The following ARHGAP24 variants were observed in gnomAD, a reference collection of about 807,000 sequenced individuals.
ARHGAP24 encodes the protein rho GTPase-activating protein 24.
A neutral mutation model predicts 76.4 loss-of-function variants in ARHGAP24; 50 were observed. The ratio of observed to expected loss-of-function variants is 0.65; its 90% confidence interval spans 0.52 to 0.83. The LOEUF (loss-of-function observed/expected upper bound fraction) is 0.83. Among genes scored for constraint, ARHGAP24 ranks in the 40% least tolerant of loss-of-function variants. The probability of loss-of-function intolerance (pLI) is 0.00; values close to 1 mark genes in which losing one functional copy is unlikely to be tolerated. For missense variants in ARHGAP24, 930 were observed against 914.2 expected (o/e 1.02, Z -0.22); for synonymous variants, 345 against 323.3 (o/e 1.07, Z -0.72).
At chr4:85,736,593 A>T (rs1047287890) in intron 3 of ARHGAP24, among the ~76,000 whole-genome samples, 3 of 152,346 alleles carry the variant, frequency 2.0e-5, no homozygotes, top group Middle Eastern at 3.4e-3. Context: ...ACTATTGTTT[A>T]TCATCCAATA....
intron 2 of ARHGAP24, among the ~76,000 whole-genome samples, chr4:85,674,929 CA>C (rs1315663960): frequency 6.6e-6 from 1 of 152,132 alleles, no homozygotes; most frequent in Non-Finnish European, 1.5e-5. Flanking sequence ...TACGTCTAGC[CA>C]ATTAGAGTTG....
chr4:85,854,418 A>G (rs750356157), intron 3 of ARHGAP24, among the ~76,000 whole-genome samples: 1 of 152,226 alleles, frequency 6.6e-6, no homozygotes, highest in Non-Finnish European at 1.5e-5. Flanking sequence ...AATGATAATG[A>G]GTAACATCCT....
intron 3 of ARHGAP24, among the ~76,000 whole-genome samples, chr4:85,891,185 G>A (rs1733870614): frequency 6.6e-6 from 1 of 152,098 alleles, no homozygotes; most frequent in African/African-American, 2.4e-5. Flanking sequence ...TACTACATTG[G>A]GACGAGAGTA....
chr4:85,489,582 C>G (rs1416937766), intron 1 of ARHGAP24, among the ~76,000 whole-genome samples: 1 of 152,118 alleles, frequency 6.6e-6, no homozygotes, highest in African/African-American at 2.4e-5. Flanking sequence ...CAAGGTGAGC[C>G]CTTTGTGCAG....
intron 3 of ARHGAP24, among the ~76,000 whole-genome samples, chr4:85,745,312 T>A (rs1452337313): frequency 6.8e-6 from 1 of 147,176 alleles, no homozygotes; most frequent in African/African-American, 2.5e-5. Flanking sequence ...TAATATATAG[T>A]AGTATATGTA....
At chr4:85,629,439 A>C (rs1721085479) in intron 2 of ARHGAP24, among the ~76,000 whole-genome samples, 1 of 152,200 alleles carries the variant, frequency 6.6e-6, no homozygotes, top group African/African-American at 2.4e-5. Flanking sequence ...ATAAATTCAT[A>C]GTGAATTTTA....
chr4:85,992,090 G>T lies in ARHGAP24; in HGVS notation c.929-2493G>T, dbSNP rs577048837. On this transcript the variant is annotated intron_variant, in intron 8 of 9. Transcript: ENST00000395184. ...ACAGTGGAACTCCAGAATCTGCTTG[G>T]ACTCTTCAGAATGGGCTGGTGATTA... 7.0e-5 allele frequency: 28 copies of T among 397,262 alleles called. No homozygotes were observed. In the East Asian group the frequency reaches 9.3e-4, roughly 13 times the overall value. The allele number at this position is 397,262 out of a possible 1,614,324, so 24.6% of individuals were successfully genotyped here. A position where few individuals can be genotyped will look rare whatever the true frequency, so the allele number is the denominator to read the frequency against.
intron 3 of ARHGAP24, among the ~76,000 whole-genome samples, chr4:85,895,416 C>T (rs1734120714): frequency 6.6e-6 from 1 of 152,090 alleles, no homozygotes; most frequent in African/African-American, 2.4e-5. Flanking sequence ...CAAAGTAGAT[C>T]ACCTGGGCTT....
At chr4:85,547,392 CAT>C (rs1334505464) in intron 1 of ARHGAP24, among the ~76,000 whole-genome samples, 1 of 151,974 alleles carries the variant, frequency 6.6e-6, no homozygotes, top group African/African-American at 2.4e-5. Flanking sequence ...GTTCTCAGCA[CAT>C]GATTTCAGGA....
At chr4:85,578,769 G>T (rs2109969854) in intron 2 of ARHGAP24, among the ~76,000 whole-genome samples, 1 of 132,304 alleles carries the variant, frequency 7.6e-6, no homozygotes, top group African/African-American at 2.8e-5. Context: ...ATCATCATTT[G>T]TACCATCTTT....
At position 85,564,339 on chromosome 4, in the gene ARHGAP24, G is replaced by A. The variant is rs534320684; in HGVS notation, c.-20-6183G>A. Reference sequence around the variant, plus strand: ...GTTCTCGCTCATAGGTGGGAATTGAGCAATGAGAACACTTGGACACAGGAA... The same window carrying A: ...GTTCTCGCTCATAGGTGGGAATTGAACAATGAGAACACTTGGACACAGGAA... On this transcript the variant is annotated intron_variant, in intron 1 of 9. Coordinates refer to ENST00000395184, the MANE Select transcript of ARHGAP24 (RefSeq NM_001025616.3). Among the ~76,000 whole-genome samples, 96 of 149,894 alleles carry A rather than the reference G, an allele frequency of 6.4e-4. 1 individual carries two copies. The highest frequency in any genetic ancestry group is 6.8e-3 in the Middle Eastern group (2 of 294).
intron 3 of ARHGAP24, among the ~76,000 whole-genome samples, chr4:85,755,782 G>A (rs1046014295): frequency 9.9e-5 from 15 of 151,734 alleles, no homozygotes; most frequent in African/African-American, 9.7e-5. Flanking sequence ...ACAGGCGCCC[G>A]CCACTACGTC....
At chr4:85,665,413 C>T (rs1722572121) in intron 2 of ARHGAP24, among the ~76,000 whole-genome samples, 1 of 152,128 alleles carries the variant, frequency 6.6e-6, no homozygotes, top group Non-Finnish European at 1.5e-5. Flanking sequence ...TGTGTCTCTG[C>T]ACGTGAGATG....
chr4:85,999,429 A>T (rs1454165674), intron 9 of ARHGAP24, among the ~76,000 whole-genome samples: 1 of 152,254 alleles, frequency 6.6e-6, no homozygotes. Context: ...TCTGGATGAA[A>T]TATCAACATG....
intron 2 of ARHGAP24, among the ~76,000 whole-genome samples, chr4:85,585,648 T>C (rs1435032083): frequency 6.6e-6 from 1 of 152,198 alleles, no homozygotes; most frequent in Non-Finnish European, 1.5e-5. Flanking sequence ...TGGAATTGAG[T>C]AGATGGAAGA....
chr4:85,985,002 A>T (rs564974214), intron 8 of ARHGAP24, among the ~76,000 whole-genome samples: 2 of 151,994 alleles, frequency 1.3e-5, no homozygotes, highest in Non-Finnish European at 2.9e-5. Flanking sequence ...TTGTATTTTT[A>T]GTAGAGATGG....
chr4:85,805,259 A>C (rs1307806062), intron 3 of ARHGAP24, among the ~76,000 whole-genome samples: 1 of 152,080 alleles, frequency 6.6e-6, no homozygotes, highest in Non-Finnish European at 1.5e-5. Context: ...GCCTCCCAAC[A>C]CCACCCATTC....
chr4:85,584,531 T>C (rs1299392815), intron 2 of ARHGAP24, among the ~76,000 whole-genome samples: 7 of 151,806 alleles, frequency 4.6e-5, no homozygotes, highest in Admixed American at 2.6e-4. Flanking sequence ...GCATGACACA[T>C]GTATACATAT....
chr4:85,805,235 TCTCA>T, intron 3 of ARHGAP24, among the ~76,000 whole-genome samples: 1 of 152,158 alleles, frequency 6.6e-6, no homozygotes, highest in Non-Finnish European at 1.5e-5. Flanking sequence ...TGACCAATAA[TCTCA>T]CTGTTTCCCG....
Sources: allele counts gnomAD v4.1 joint callset (sites outside exome capture counted in the v4.1 genomes callset), GRCh38; gene constraint gnomAD v4.1.1; transcripts MANE v1.5; gene names NCBI Gene and HGNC (gene_info 2026-07-23, HGNC 2026-07-21).